The following HECTD4 variants were observed in gnomAD, a reference collection of about 807,000 sequenced individuals.
HECTD4 encodes probable E3 ubiquitin-protein ligase HECTD4.
HECTD4 carries 114 observed loss-of-function variants against 471.5 expected under a neutral mutation model. The observed-to-expected ratio is 0.24, with a 90% CI of 0.21 to 0.28. The LOEUF (loss-of-function observed/expected upper bound fraction) is 0.28. HECTD4 is among the 10% of genes least tolerant of loss of function. The pLI, the probability that HECTD4 is intolerant of heterozygous loss-of-function variation, is 1.00. For missense variants in HECTD4, 3,866 were observed against 5,651.5 expected (o/e 0.68, Z 10.13); for synonymous variants, 2,012 against 2,256.0 (o/e 0.89, Z 3.07).
At chr12:112,341,789 A>T (rs1052252722) in intron 1 of HECTD4, among the ~76,000 whole-genome samples, 4 of 152,198 alleles carry the variant, frequency 2.6e-5, no homozygotes, top group Non-Finnish European at 2.9e-5. Context: ...AAAAGAAGAT[A>T]AAACAAAGCT....
At chr12:112,334,637 C>CAAAAAATAAA (rs2035909753) in intron 1 of HECTD4, among the ~76,000 whole-genome samples, 1 of 45,264 alleles carries the variant, frequency 2.2e-5, no homozygotes. Flanking sequence ...ACTAAAAATA[C>CAAAAAATAAA]AAAAAAAAAA....
At chr12:112,359,575 T>C (rs925320190) in intron 1 of HECTD4, among the ~76,000 whole-genome samples, 7 of 152,116 alleles carry the variant, frequency 4.6e-5, no homozygotes, top group African/African-American at 1.7e-4. Flanking sequence ...CCTGCCACCA[T>C]GTCCAGCTAC....
intron 14 of HECTD4, 45 bp downstream of exon 14, chr12:112,266,866 CA>C (rs774735424): frequency 1.9e-5 from 18 of 965,334 alleles, no homozygotes; most frequent in Admixed American, 4.2e-5. Flanking sequence ...TCCTTGGGGA[CA>C]AAAAAAGGAC....
intron 8 of HECTD4, among the ~76,000 whole-genome samples, chr12:112,279,705 TAAGAG>T: frequency 6.6e-6 from 1 of 152,290 alleles, no homozygotes; most frequent in East Asian, 1.9e-4. Context: ...AATCTCAAAA[TAAGAG>T]AAGAATCCTA....
chr12:112,297,865 A>T (rs2035074656), intron 7 of HECTD4, among the ~76,000 whole-genome samples: 1 of 152,152 alleles, frequency 6.6e-6, no homozygotes. Flanking sequence ...ACAAGAGGAG[A>T]TCAACTAAGA....
At chr12:112,357,333 G>A (rs777979818) in intron 1 of HECTD4, among the ~76,000 whole-genome samples, 7 of 152,184 alleles carry the variant, frequency 4.6e-5, no homozygotes, top group African/African-American at 1.7e-4. Flanking sequence ...AAGTAGACAC[G>A]GACAGTGAGG....
chr12:112,348,870 G>C lies in HECTD4; in HGVS notation c.178-29128C>G, dbSNP rs535894176. Among the ~76,000 whole-genome samples, 6 of 152,226 alleles carry C rather than the reference G, an allele frequency of 3.9e-5. No individual in the cohort carries two copies. The South Asian group carries it at 1.2e-3, about 32-fold the overall frequency. ...TATATACTAAGCATTTATATATCTA[G>C]AGAGAGGAAGAGGAGGAGCAGGTTC... On this transcript the variant is annotated intron_variant, in intron 1 of 75. Transcript: ENST00000682272.
chr12:112,207,116 G>GTGTATGTATGTATGTA (rs149725381), intron 52 of HECTD4, among the ~76,000 whole-genome samples: 40 of 147,450 alleles, frequency 2.7e-4, no homozygotes, highest in African/African-American at 1.0e-3. Flanking sequence ...ATGTGTGTGT[G>GTGTATGTATGTATGTA]TGTATGTATG....
chr12:112,269,916 G>A (rs1323841030), intron 12 of HECTD4, 67 bp from the exon 13 acceptor site: 2 of 1,365,140 alleles, frequency 1.5e-6, no homozygotes, highest in Middle Eastern at 1.8e-4. Flanking sequence ...TCTCTACAAA[G>A]AAAGTACATG....
In HECTD4 at chr12:112,184,374, G is replaced by A. The variant is rs773600252; in HGVS notation, c.10592C>T (p.Ser3531Phe). 6.2e-6 allele frequency: 10 copies of A among 1,611,142 alleles called. No individual in the cohort carries two copies. Among genetic ancestry groups the A allele is most frequent in the Non-Finnish European group, 5.9e-6 (7 of 1,179,286 alleles). ...GGAAATGTCCAGGCTTTCCTGGCTG[G>A]ACACCGCGTGGGGCTCCAACAGGCC... ...PPGLLEPHAV[S>F]SQESLDISLC... is the part of the protein sequence containing the mutation. The change falls in exon 61 of 76, where the codon TCC becomes TTC. Residue 3531 changes from serine (S) to phenylalanine (F), a missense_variant. This residue lies in a region of HECTD4 where 192 missense variants were observed against 189.9 expected (regional missense o/e 1.01). Coordinates refer to ENST00000682272, the MANE Select transcript of HECTD4 (RefSeq NM_001388303.1). The surrounding 1 kb of genome is among the most constrained non-coding windows in gnomAD (Gnocchi z 9.1).
At chr12:112,360,274 G>T (rs1850767854) in intron 1 of HECTD4, among the ~76,000 whole-genome samples, 1 of 152,188 alleles carries the variant, frequency 6.6e-6, no homozygotes, top group Non-Finnish European at 1.5e-5. Context: ...TGCAATGATT[G>T]TACCTGTGAA....
chr12:112,270,255 A>C lies in HECTD4; in HGVS notation c.2147T>G (p.Ile716Ser). 6.2e-7 allele frequency: 1 copy of C among 1,613,712 alleles called. No individual in the cohort carries two copies. Among genetic ancestry groups the C allele is most frequent in the Non-Finnish European group, 8.5e-7 (1 of 1,179,564 alleles). Reference protein sequence around the residue: ...EKAMVNGDTCIIRCILVVFQV... With the variant: ...EKAMVNGDTCSIRCILVVFQV... ...AAAGACAACGAGAATGCAGCGTATAATACAGGTATCTCCATTAACCATGGC... is the reference window on the plus strand; with the variant it reads ...AAAGACAACGAGAATGCAGCGTATACTACAGGTATCTCCATTAACCATGGC... Residue 716 changes from isoleucine to serine, a missense_variant, in exon 12 of 76, where the codon ATT (isoleucine) becomes AGT (serine). Physicochemically the swap from Ile to Ser is moderately radical, Grantham distance 142. Around this residue, in one of 16 missense-constraint regions of HECTD4, gnomAD observed 525 missense variants for 672.6 expected, o/e 0.78. Transcript: ENST00000682272.
At chr12:112,247,767 T>A (rs1306624623) in intron 27 of HECTD4, among the ~76,000 whole-genome samples, 2 of 152,198 alleles carry the variant, frequency 1.3e-5, no homozygotes, top group Non-Finnish European at 2.9e-5. Flanking sequence ...TTTGCCTATT[T>A]TTTGTTTTTT....
intron 51 of HECTD4, 91 bp from the exon 52 acceptor site, chr12:112,208,091 T>G: frequency 7.1e-7 from 1 of 1,398,644 alleles, no homozygotes; most frequent in East Asian, 2.4e-5. Flanking sequence ...CCTGAGGTCT[T>G]CACCCCACTT....
rs1275462103 is a variant in HECTD4, at chr12:112,235,479, A to G, written c.5725+25T>C. On this transcript the variant is annotated intron_variant, in intron 36 of 75. Transcript: ENST00000682272. The surrounding 1 kb of genome is among the most constrained non-coding windows in gnomAD (Gnocchi z 5.0). ...CACAGGAATGCTGCACTGCCATGCTACTCTCCTGTTGAGGAGCTTCTCACC... is the reference window on the plus strand; with the variant it reads ...CACAGGAATGCTGCACTGCCATGCTGCTCTCCTGTTGAGGAGCTTCTCACC... 1.9e-6 allele frequency: 3 copies of G among 1,584,628 alleles called. No homozygotes were observed. Among genetic ancestry groups the G allele is most frequent in the South Asian group, 1.2e-5 (1 of 85,654 alleles).
At chr12:112,356,517 C>T (rs944441698) in intron 1 of HECTD4, among the ~76,000 whole-genome samples, 1 of 152,150 alleles carries the variant, frequency 6.6e-6, no homozygotes, top group African/African-American at 2.4e-5. Context: ...TGGCTCACTG[C>T]AACCTCCATT....
intron 1 of HECTD4, among the ~76,000 whole-genome samples, chr12:112,377,010 G>C (rs1490445173): frequency 1.3e-5 from 2 of 152,200 alleles, no homozygotes; most frequent in African/African-American, 4.8e-5. Context: ...TCCTCAGGGG[G>C]CTGAGGCTGG....
intron 17 of HECTD4, among the ~76,000 whole-genome samples, chr12:112,263,615 T>TAATTCCATACAAAA (rs1335189560): frequency 6.6e-6 from 1 of 151,914 alleles, no homozygotes; most frequent in Admixed American, 6.6e-5. Flanking sequence ...ATACAAAGAT[T>TAATTCCATACAAAA]GAAAAAATTA....
chr12:112,380,719 G>A (rs1210713609), intron 1 of HECTD4, among the ~76,000 whole-genome samples: 1 of 152,126 alleles, frequency 6.6e-6, no homozygotes, highest in Non-Finnish European at 1.5e-5. Flanking sequence ...GTTCATAACG[G>A]AAGTGCTGAA....
Sources: allele counts gnomAD v4.1 joint callset (sites outside exome capture counted in the v4.1 genomes callset), GRCh38; gene constraint gnomAD v4.1.1; regional missense constraint gnomAD v4.1.1; non-coding constraint Gnocchi (gnomAD v3.1); transcripts MANE v1.5; gene names NCBI Gene and HGNC (gene_info 2026-07-23, HGNC 2026-07-21).